FSTL4: variants seen among roughly 807,000 people sequenced by gnomAD.
The protein encoded by FSTL4 is follistatin like 4, also known as follistatin-related protein 4.
In FSTL4, 28 loss-of-function variants were observed where a neutral mutation model predicts 78.2. That is an observed-to-expected ratio of 0.36 (90% CI 0.27 to 0.49). FSTL4 has a LOEUF of 0.49. Among genes scored for constraint, FSTL4 ranks in the 20% least tolerant of loss-of-function variants. The pLI, the probability that FSTL4 is intolerant of heterozygous loss-of-function variation, is 0.98. For synonymous variants in FSTL4, 422 were observed against 440.5 expected (o/e 0.96, Z 0.53); for missense variants, 922 against 1,084.9 (o/e 0.85, Z 2.11).
chr5:133,361,034 A>G lies in FSTL4; in HGVS notation c.409+39704T>C, dbSNP rs1755058010. On this transcript the variant is annotated intron_variant, in intron 4 of 15. Coordinates refer to ENST00000265342, the MANE Select transcript of FSTL4 (RefSeq NM_015082.2). This position sits in a 1 kb window ranked among gnomAD's most constrained non-coding sequence, Gnocchi z 4.3. ...ACCTTTTTTTCTCTTCTTGGAGTTT[A>G]CAAACCTCGAAATTCTGCTCTGAGC... Among the ~76,000 whole-genome samples the G allele has an allele frequency of 6.6e-6, 1 of 152,222 alleles. No individual in the cohort carries two copies. The highest frequency in any genetic ancestry group is 2.4e-5 in the African/African-American group (1 of 41,458).
At chr5:133,730,215 T>G in the FSTL4 span, among the ~76,000 whole-genome samples, 1 of 152,198 alleles carries the variant, frequency 6.6e-6, no homozygotes, top group Non-Finnish European at 1.5e-5. Context: ...ATTCCTTATC[T>G]CTAGGGCAGT....
At chr5:133,330,066 T>A (rs1162595779) in intron 4 of FSTL4, among the ~76,000 whole-genome samples, 1 of 152,206 alleles carries the variant, frequency 6.6e-6, no homozygotes, top group Non-Finnish European at 1.5e-5. Context: ...GTTGTCAACA[T>A]AACAGACGTG....
chr5:133,345,720 G>A (rs182642042), intron 4 of FSTL4, among the ~76,000 whole-genome samples: 237 of 152,230 alleles, frequency 1.6e-3, no homozygotes, highest in South Asian at 2.3e-3. Context: ...TTAGAATGGC[G>A]ATCATTAAAA....
At chr5:133,683,704 A>T in the FSTL4 span, among the ~76,000 whole-genome samples, 1 of 152,228 alleles carries the variant, frequency 6.6e-6, no homozygotes, top group Admixed American at 6.5e-5. Flanking sequence ...GATTGAAAAC[A>T]TAACCAAGGA....
At chr5:133,820,880 T>C in the FSTL4 span, among the ~76,000 whole-genome samples, 1 of 152,216 alleles carries the variant, frequency 6.6e-6, no homozygotes, top group Non-Finnish European at 1.5e-5. Flanking sequence ...CATTAAACTA[T>C]TAGAAAACAA....
the FSTL4 span, among the ~76,000 whole-genome samples, chr5:133,639,603 T>A: frequency 6.6e-6 from 1 of 152,084 alleles, no homozygotes; most frequent in Non-Finnish European, 1.5e-5. Context: ...CAGGGCAGAA[T>A]CCCCAGAAGA....
chr5:133,786,568 G>T, the FSTL4 span, among the ~76,000 whole-genome samples: 1 of 152,200 alleles, frequency 6.6e-6, no homozygotes, highest in Non-Finnish European at 1.5e-5. Flanking sequence ...AGGGCTGGAG[G>T]CCCGATCGGT....
the FSTL4 span, among the ~76,000 whole-genome samples, chr5:133,796,249 G>A: frequency 6.6e-6 from 1 of 152,200 alleles, no homozygotes; most frequent in African/African-American, 2.4e-5. Flanking sequence ...TATGGGAGGG[G>A]GAGCACACAG....
chr5:133,757,356 T>G, the FSTL4 span, among the ~76,000 whole-genome samples: 8 of 152,146 alleles, frequency 5.3e-5, no homozygotes, highest in Non-Finnish European at 4.4e-5. Context: ...AAATCCAGAG[T>G]GTATTTTATG....
the FSTL4 span, among the ~76,000 whole-genome samples, chr5:133,634,389 TCTC>T: frequency 1.5e-5 from 2 of 133,434 alleles, no homozygotes; most frequent in South Asian, 4.6e-4. Context: ...TTTCTCTCTC[TCTC>T]TTTTTTTTTT....
intron 4 of FSTL4, among the ~76,000 whole-genome samples, chr5:133,386,508 C>T (rs1755704082): frequency 6.6e-6 from 1 of 152,214 alleles, no homozygotes; most frequent in South Asian, 2.1e-4. Context: ...CAGCAGTGGA[C>T]TTTGCCTTCC....
intron 6 of FSTL4, among the ~76,000 whole-genome samples, chr5:133,266,421 T>G (rs1039291395): frequency 2.6e-5 from 4 of 152,216 alleles, no homozygotes; most frequent in African/African-American, 9.6e-5. Context: ...TTAAAATGCA[T>G]GTGGTTTGGA....
At chr5:133,725,529 A>C in the FSTL4 span, among the ~76,000 whole-genome samples, 5 of 152,230 alleles carry the variant, frequency 3.3e-5, no homozygotes, top group African/African-American at 1.2e-4. Flanking sequence ...GAGACAATCA[A>C]CCTTCAAAGT....
At chr5:133,523,596 T>C (rs78901174) in intron 3 of FSTL4, among the ~76,000 whole-genome samples, 1,851 of 152,334 alleles carry the variant, frequency 0.012, 35 homozygotes, top group African/African-American at 0.04. Context: ...TTTGTGAATC[T>C]TGGTTTTTTT....
At position 133,201,966 on chromosome 5, in the gene FSTL4, A is replaced by G; in HGVS notation, c.1793T>C (p.Ile598Thr). The change falls in exon 15 of 16, where the codon ATT becomes ACT. Residue 598 changes from isoleucine to threonine, a missense_variant. Ile to Thr is a moderately conservative substitution (Grantham distance 89). Coordinates refer to ENST00000265342, the MANE Select transcript of FSTL4 (RefSeq NM_015082.2). ...TPFAGVDDFF[I>T]PPTNLIINHI... ...GTTGATGATGAGGTTTGTTGGGGGA[A>G]TGAAGAAATCATCCACTCCTGCAAA... is the stretch of plus-strand genomic sequence containing the variant. The G allele has an allele frequency of 6.2e-7, 1 of 1,610,648 alleles. No individual in the cohort carries two copies. Among genetic ancestry groups the G allele is most frequent in the East Asian group, 2.2e-5 (1 of 44,858 alleles).
chr5:133,458,560 C>T (rs1208624226), intron 3 of FSTL4, among the ~76,000 whole-genome samples: 1 of 152,232 alleles, frequency 6.6e-6, no homozygotes, highest in Non-Finnish European at 1.5e-5. Flanking sequence ...AATGGGAATG[C>T]CAGAGAGGTG....
the FSTL4 span, among the ~76,000 whole-genome samples, chr5:133,671,499 A>C: frequency 1.3e-5 from 2 of 152,232 alleles, no homozygotes; most frequent in Non-Finnish European, 2.9e-5. Flanking sequence ...TGCCATAAAG[A>C]AATAGCACTT....
chr5:133,654,101 T>C, the FSTL4 span, among the ~76,000 whole-genome samples: 1 of 152,212 alleles, frequency 6.6e-6, no homozygotes, highest in Non-Finnish European at 1.5e-5. Context: ...TAGAGGCTTA[T>C]TTGAAGCAAT....
intron 7 of FSTL4, 56 bp from the exon 8 acceptor site, chr5:133,233,593 C>A (rs1751566233): frequency 4.4e-6 from 7 of 1,593,046 alleles, no homozygotes; most frequent in Non-Finnish European, 6.0e-6. Flanking sequence ...GGGCTGGAAA[C>A]CATAGCTGTC....
Sources: allele counts gnomAD v4.1 joint callset (sites outside exome capture counted in the v4.1 genomes callset), GRCh38; gene constraint gnomAD v4.1.1; non-coding constraint Gnocchi (gnomAD v3.1); transcripts MANE v1.5; gene names NCBI Gene and HGNC (gene_info 2026-07-23, HGNC 2026-07-21).